DCDC1: variants seen among roughly 807,000 people sequenced by gnomAD.
DCDC1 encodes doublecortin domain-containing protein 1.
Under a neutral mutation model 178.3 loss-of-function variants are expected in DCDC1, and 200 were observed. That is an observed-to-expected ratio of 1.12 (90% CI 1.00 to 1.26). The LOEUF is 1.26. Ranked by LOEUF, DCDC1 falls within the 50% of genes most tolerant of loss-of-function variation. The probability of loss-of-function intolerance (pLI) is 0.00; values close to 1 mark genes in which losing one functional copy is unlikely to be tolerated. For synonymous variants in DCDC1, 690 were observed against 604.8 expected (o/e 1.14, Z -2.07); for missense variants, 1,983 against 1,749.2 (o/e 1.13, Z -2.38).
chr11:30,956,477 T>A (rs1006648413), intron 20 of DCDC1, among the ~76,000 whole-genome samples: 4 of 152,222 alleles, frequency 2.6e-5, no homozygotes, highest in African/African-American at 7.2e-5. Flanking sequence ...TTATGGTATT[T>A]GAGTCACCAA....
At chr11:31,015,324 C>T (rs1399626125) in intron 20 of DCDC1, among the ~76,000 whole-genome samples, 1 of 152,056 alleles carries the variant, frequency 6.6e-6, no homozygotes, top group Non-Finnish European at 1.5e-5. Flanking sequence ...GTTGTTAAGT[C>T]CTCTTCTTAT....
At chr11:30,876,700 G>A (rs1335615626) in intron 38 of DCDC1, among the ~76,000 whole-genome samples, 1 of 152,134 alleles carries the variant, frequency 6.6e-6, no homozygotes, top group Non-Finnish European at 1.5e-5. Context: ...TTGATCCAGG[G>A]TGAAATTATG....
intron 9 of DCDC1, among the ~76,000 whole-genome samples, chr11:31,172,051 G>C (rs557649836): frequency 6.6e-6 from 1 of 152,216 alleles, no homozygotes; most frequent in Admixed American, 6.5e-5. Context: ...ACAAGTGATT[G>C]AATGAAAAAA....
intron 8 of DCDC1, among the ~76,000 whole-genome samples, chr11:31,252,873 A>G (rs1944146057): frequency 6.6e-6 from 1 of 152,092 alleles, no homozygotes; most frequent in Non-Finnish European, 1.5e-5. Context: ...CGGGATGGAC[A>G]CTTGTTGCAG....
chr11:31,171,319 A>G (rs1967209324), intron 9 of DCDC1, among the ~76,000 whole-genome samples: 1 of 145,534 alleles, frequency 6.9e-6, no homozygotes, highest in South Asian at 2.3e-4. Flanking sequence ...GTGTTGTAAC[A>G]CAAAGTCAGC....
chr11:31,226,080 G>A (rs938320920), intron 9 of DCDC1, among the ~76,000 whole-genome samples: 1 of 152,008 alleles, frequency 6.6e-6, no homozygotes, highest in Non-Finnish European at 1.5e-5. Flanking sequence ...TAAGAGGAAA[G>A]ATAGTATTTG....
intron 1 of DCDC1, among the ~76,000 whole-genome samples, chr11:31,356,498 T>C (rs1349037742): frequency 6.6e-6 from 1 of 151,318 alleles, no homozygotes; most frequent in African/African-American, 2.4e-5. Flanking sequence ...AGATCCAAAA[T>C]TGACACCCTA....
chr11:30,998,939 T>C (rs973320951), intron 20 of DCDC1, among the ~76,000 whole-genome samples: 4 of 152,194 alleles, frequency 2.6e-5, no homozygotes, highest in Non-Finnish European at 5.9e-5. Context: ...GTAATATTGA[T>C]ATCATGCACC....
intron 20 of DCDC1, among the ~76,000 whole-genome samples, chr11:30,998,050 T>C (rs533322476): frequency 6.6e-6 from 1 of 152,120 alleles, no homozygotes; most frequent in South Asian, 2.1e-4. Flanking sequence ...TGCCAGCACT[T>C]TGGAAGGTCG....
chr11:31,082,050 G>A (rs189906140), intron 17 of DCDC1, among the ~76,000 whole-genome samples: 2 of 152,224 alleles, frequency 1.3e-5, no homozygotes, highest in East Asian at 3.9e-4. Context: ...TGATATCATA[G>A]ACTCTCCTCT....
At chr11:31,152,054 C>T (rs1965225670) in intron 9 of DCDC1, among the ~76,000 whole-genome samples, 1 of 152,018 alleles carries the variant, frequency 6.6e-6, no homozygotes, top group South Asian at 2.1e-4. Context: ...TCACATCATA[C>T]CTCATAAATA....
rs973466624 is a variant in DCDC1, at chr11:30,878,687, C to G, written c.5258G>C (p.Arg1753Thr). The change falls in exon 38 of 39, where the codon AGA (arginine) becomes ACA (threonine). Residue 1753 changes from arginine to threonine, a missense_variant. By Grantham distance (71) the Arg-to-Thr change is moderately conservative. Transcript: ENST00000684477. ...PKELKQLMEI[R>T]ANYARIRRQQ... The stretch of plus-strand genomic sequence containing the variant: ...CCTTCGGATTCTGGCATAATTTGCT[C>G]TGATCTCCATCAGTTGTTTTAACTC... 3 of 1,597,396 alleles carry G rather than the reference C, an allele frequency of 1.9e-6. No individual in the cohort carries two copies. The highest frequency in any genetic ancestry group is 2.6e-6 in the Non-Finnish European group (3 of 1,173,804).
chr11:31,157,856 A>G lies in DCDC1; in HGVS notation c.1222-20072T>C, dbSNP rs565906454. Among the ~76,000 whole-genome samples the G allele has an allele frequency of 1.1e-4, 17 of 152,328 alleles. No homozygotes were observed. In the South Asian group the frequency reaches 3.1e-3, roughly 28 times the overall value. ...GGTAAAGTTTATATTATGGTATTTT[A>G]CTACAATAAAAAAGTAGCTATAACA... is the stretch of plus-strand genomic sequence containing the variant. On this transcript the variant is annotated intron_variant, in intron 9 of 38. Transcript: ENST00000684477.
intron 9 of DCDC1, among the ~76,000 whole-genome samples, chr11:31,203,502 G>T (rs1404740848): frequency 6.6e-6 from 1 of 152,130 alleles, no homozygotes; most frequent in Non-Finnish European, 1.5e-5. Context: ...GTCATCCATT[G>T]TCATGAACTG....
intron 28 of DCDC1, among the ~76,000 whole-genome samples, chr11:30,911,041 T>C (rs565788065): frequency 7.2e-5 from 11 of 152,246 alleles, no homozygotes; most frequent in African/African-American, 2.6e-4. Flanking sequence ...GCTTGATGAA[T>C]GCTGTTGGGA....
At chr11:31,266,806 G>A (rs1444034365) in intron 7 of DCDC1, among the ~76,000 whole-genome samples, 1 of 152,176 alleles carries the variant, frequency 6.6e-6, no homozygotes, top group African/African-American at 2.4e-5. Flanking sequence ...CAATAGCTTA[G>A]TGTTTATATA....
intron 33 of DCDC1, 36 bp downstream of exon 33, chr11:30,900,310 T>A (rs779351420): frequency 1.3e-6 from 2 of 1,481,852 alleles, no homozygotes; most frequent in Non-Finnish European, 1.8e-6. Context: ...TCCCTTCATA[T>A]ACTTGCTTGA....
At chr11:30,866,323 C>T (rs775407450) in intron 38 of DCDC1, among the ~76,000 whole-genome samples, 14 of 152,062 alleles carry the variant, frequency 9.2e-5, no homozygotes, top group East Asian at 3.9e-4. Flanking sequence ...ATCAAGGTGT[C>T]GGCAGATTTG....
chr11:31,221,418 G>A (rs182663502), intron 9 of DCDC1, among the ~76,000 whole-genome samples: 1 of 152,294 alleles, frequency 6.6e-6, no homozygotes, highest in African/African-American at 2.4e-5. Context: ...CAAAAACCTA[G>A]CAATGAAAAT....
Sources: gnomAD v4.1 joint callset for allele counts (sites outside exome capture counted in the v4.1 genomes callset) on GRCh38, gnomAD v4.1.1 for gene constraint, MANE v1.5 for transcripts, NCBI Gene and HGNC (gene_info 2026-07-23, HGNC 2026-07-21) for gene names.